The following DHX57 variants were observed in gnomAD, a reference collection of about 807,000 sequenced individuals.
The protein encoded by DHX57 is DExH-box helicase 57, also known as putative ATP-dependent RNA helicase DHX57.
Under a neutral mutation model 156.2 loss-of-function variants are expected in DHX57, and 105 were observed. The observed-to-expected ratio is 0.67, with a 90% CI of 0.57 to 0.79. The LOEUF is 0.79. Among genes scored for constraint, DHX57 ranks in the 30% least tolerant of loss-of-function variants. The pLI, the probability that DHX57 is intolerant of heterozygous loss-of-function variation, is 0.00. For missense variants in DHX57, 1,847 were observed against 1,661.9 expected (o/e 1.11, Z -1.94); for synonymous variants, 704 against 595.6 (o/e 1.18, Z -2.65).
intron 7 of DHX57, 45 bp downstream of exon 7, chr2:38,856,292 TATA>T (rs1558397760): frequency 3.2e-6 from 5 of 1,580,192 alleles, no homozygotes; most frequent in East Asian, 4.5e-5. Context: ...CCAGGGTGCA[TATA>T]ATATTTATAG....
intron 21 of DHX57, chr2:38,811,605 G>A: frequency 1.5e-6 from 2 of 1,373,328 alleles, no homozygotes; most frequent in South Asian, 2.3e-5. Flanking sequence ...GATGCAGGAG[G>A]TGTCCAGGCC....
chr2:38,811,111 G>T, intron 21 of DHX57: 1 of 554,782 alleles, frequency 1.8e-6, no homozygotes, highest in South Asian at 1.7e-5. Flanking sequence ...CCTCGTGGCT[G>T]ATGTGCATGA....
intron 21 of DHX57, among the ~76,000 whole-genome samples, chr2:38,810,074 T>TA (rs1670162281): frequency 6.6e-6 from 1 of 151,950 alleles, no homozygotes; most frequent in South Asian, 2.1e-4. Flanking sequence ...TTGTATTTTT[T>TA]AGTAGAGATG....
chr2:38,874,243 C>T (rs1403940101), intron 1 of DHX57, among the ~76,000 whole-genome samples: 2 of 151,912 alleles, frequency 1.3e-5, no homozygotes, highest in Non-Finnish European at 2.9e-5. Context: ...AGGTGCACCA[C>T]CACACCCAGC....
rs1669474537 is a variant in DHX57, at chr2:38,798,093, C to G, written c.*206G>C. 4.0e-6 allele frequency: 2 copies of G among 502,320 alleles called. No individual in the cohort carries two copies. The highest frequency in any genetic ancestry group is 6.9e-6 in the Non-Finnish European group (2 of 291,140). The allele number at this position is 502,320 out of a possible 1,614,324, so 31.1% of individuals were successfully genotyped here. A position where few individuals can be genotyped will look rare whatever the true frequency, so the allele number is the denominator to read the frequency against. On this transcript the variant is annotated 3_prime_UTR_variant, in exon 24 of 24. Coordinates refer to ENST00000457308, the MANE Select transcript of DHX57 (RefSeq NM_198963.3). ...GGGTTTTAGGCTCTCACCCTTGACA[C>G]TCCAAATTGTGCTGGGAGTGGCCAA... is the stretch of plus-strand genomic sequence containing the variant.
In DHX57 at chr2:38,856,466, T is replaced by C; in HGVS notation, c.1588-5A>G. On this transcript the variant is annotated splice_polypyrimidine_tract_variant and splice_region_variant and intron_variant, in intron 6 of 23. Coordinates refer to ENST00000457308, the MANE Select transcript of DHX57 (RefSeq NM_198963.3). ...GGACTGGAACTGTCTGGAAGCCTAA[T>C]AAAATCAAAGATAAGATATCAGTTG... The C allele has an allele frequency of 1.3e-6, 2 of 1,580,958 alleles. No individual in the cohort carries two copies. Among genetic ancestry groups the C allele is most frequent in the Non-Finnish European group, 1.7e-6 (2 of 1,169,680 alleles).
rs1040497759 is a variant in DHX57, at chr2:38,826,751, A to C, written c.2640-62T>G. 5.2e-6 allele frequency: 8 copies of C among 1,547,974 alleles called. No individual in the cohort carries two copies. The Admixed American group carries it at 7.6e-5, about 15-fold the overall frequency. On this transcript the variant is annotated intron_variant, in intron 14 of 23. Coordinates refer to ENST00000457308, the MANE Select transcript of DHX57 (RefSeq NM_198963.3). Reference sequence around the variant, plus strand: ...CCTAGCACCGAAACTAGATTACAGTAGGTGAATTTCTACTAAAACCAACAA... The same window carrying C: ...CCTAGCACCGAAACTAGATTACAGTCGGTGAATTTCTACTAAAACCAACAA...
chr2:38,815,115 A>T (rs1203062091), intron 20 of DHX57, among the ~76,000 whole-genome samples: 1 of 150,988 alleles, frequency 6.6e-6, no homozygotes. Context: ...TGCCCAGGCT[A>T]GAGTGCAGTG....
chr2:38,871,462 A>G (rs1454847398), intron 1 of DHX57, among the ~76,000 whole-genome samples: 4 of 152,236 alleles, frequency 2.6e-5, no homozygotes, highest in African/African-American at 9.6e-5. Flanking sequence ...GGAAAGGAAT[A>G]GAGCTATATA....
At position 38,815,585 on chromosome 2, in the gene DHX57, C is replaced by G. The variant is rs769324588; in HGVS notation, c.3542G>C (p.Arg1181Thr). 9.9e-6 allele frequency: 16 copies of G among 1,614,026 alleles called. No individual in the cohort carries two copies. Among genetic ancestry groups the G allele is most frequent in the East Asian group, 2.2e-5 (1 of 44,894 alleles). The change falls in exon 20 of 24, where the codon AGA becomes ACA. Residue 1181 changes from arginine to threonine, a missense_variant. Physicochemically the swap from Arg to Thr is moderately conservative, Grantham distance 71 (BLOSUM62 -1). Coordinates refer to ENST00000457308, the MANE Select transcript of DHX57 (RefSeq NM_198963.3). ...GGCCCTTTTCTCAATTTCCCTTGCT[C>G]TGAGCCCTTCCCTTGCAAACCCTAT... ...SDIGFAREGL[R>T]AREIEKRAQG...
At chr2:38,804,463 C>T (rs1368327285) in intron 22 of DHX57, among the ~76,000 whole-genome samples, 1 of 151,986 alleles carries the variant, frequency 6.6e-6, no homozygotes, top group Non-Finnish European at 1.5e-5. Context: ...GCACTCTAGC[C>T]TGGGTGACAG....
intron 12 of DHX57, among the ~76,000 whole-genome samples, chr2:38,840,172 T>C (rs1671907959): frequency 6.6e-6 from 1 of 151,960 alleles, no homozygotes; most frequent in African/African-American, 2.4e-5. Flanking sequence ...CTTGAACTCC[T>C]GGGCTCAAGC....
At chr2:38,811,333 C>G (rs1670235185) in intron 21 of DHX57, 1 of 526,128 alleles carries the variant, frequency 1.9e-6, no homozygotes, top group Non-Finnish European at 3.8e-6. Flanking sequence ...CACTGTGGGA[C>G]ACATACTTTG....
chr2:38,809,619 G>C (rs1189316804), intron 21 of DHX57, among the ~76,000 whole-genome samples: 1 of 151,700 alleles, frequency 6.6e-6, no homozygotes, highest in Non-Finnish European at 1.5e-5. Flanking sequence ...CCGCCACCAT[G>C]CCTGGCTAAT....
intron 9 of DHX57, among the ~76,000 whole-genome samples, chr2:38,851,537 T>A (rs1261465688): frequency 6.6e-6 from 1 of 152,208 alleles, no homozygotes; most frequent in Non-Finnish European, 1.5e-5. Flanking sequence ...TGTAAATATT[T>A]GAAGCACCCT....
chr2:38,866,765 G>C lies in DHX57; in HGVS notation c.224+1417C>G, dbSNP rs189594086. On this transcript the variant is annotated intron_variant, in intron 2 of 23. Transcript: ENST00000457308. ...AAACTATGGAGCTGCAGCTAACTCA[G>C]AAGTTAGGTTCTTGGCTAGGCACAG... 1.6e-4 allele frequency among the ~76,000 whole-genome samples: 24 copies of C among 152,278 alleles called. No homozygotes were observed. The East Asian group carries it at 3.9e-3, about 24-fold the overall frequency.
intron 11 of DHX57, among the ~76,000 whole-genome samples, chr2:38,845,927 G>A (rs1478370806): frequency 1.3e-5 from 2 of 149,538 alleles, no homozygotes; most frequent in Non-Finnish European, 1.5e-5. Context: ...GTGCAATGGC[G>A]TGGTCTCAGC....
At chr2:38,839,881 C>G (rs577948350) in intron 12 of DHX57, among the ~76,000 whole-genome samples, 1 of 152,114 alleles carries the variant, frequency 6.6e-6, no homozygotes, top group Non-Finnish European at 1.5e-5. Flanking sequence ...TTCCAAAAAG[C>G]CAGACTTTTC....
At chr2:38,875,100 C>A (rs150088229) in intron 1 of DHX57, among the ~76,000 whole-genome samples, 2 of 152,202 alleles carry the variant, frequency 1.3e-5, no homozygotes, top group Non-Finnish European at 2.9e-5. Context: ...ATGCGCTTAA[C>A]ATTTTAAACG....
Sources: allele counts gnomAD v4.1 joint callset (sites outside exome capture counted in the v4.1 genomes callset), GRCh38; gene constraint gnomAD v4.1.1; transcripts MANE v1.5; gene names NCBI Gene and HGNC (gene_info 2026-07-23, HGNC 2026-07-21).